The following CYP2E1 variants were observed in gnomAD, a reference collection of about 807,000 sequenced individuals.
CYP2E1 encodes cytochrome P450 family 2 subfamily E member 1, also known as cytochrome P450 2E1.
In CYP2E1, 31 loss-of-function variants were observed where a neutral mutation model predicts 42.9. That is an observed-to-expected ratio of 0.72 (90% CI 0.54 to 0.98). The LOEUF is 0.98. Among genes scored for constraint, CYP2E1 ranks in the 50% least tolerant of loss-of-function variants. The pLI, the probability that CYP2E1 is intolerant of heterozygous loss-of-function variation, is 0.00. For synonymous variants in CYP2E1, 244 were observed against 248.9 expected (o/e 0.98, Z 0.19); for missense variants, 565 against 633.2 (o/e 0.89, Z 1.16).
Position 133,532,142 on chromosome 10 carries a change from C to G in CYP2E1, c.506C>G (p.Thr169Ser), listed in dbSNP as rs755208649. 1 of 1,613,822 alleles carries G rather than the reference C, an allele frequency of 6.2e-7. No individual in the cohort carries two copies. The highest frequency in any genetic ancestry group is 8.5e-7 in the Non-Finnish European group (1 of 1,179,912). The change falls in exon 4 of 9, where the codon ACC becomes AGC. Residue 169 changes from threonine to serine, a missense_variant. By Grantham distance (58) the Thr-to-Ser change is moderately conservative (BLOSUM62 1). Transcript: ENST00000252945. ...TTTGTAGGCCAGCCTTTCGACCCCACCTTCCTCATCGGCTGCGCGCCCTGC... is the reference window on the plus strand; with the variant it reads ...TTTGTAGGCCAGCCTTTCGACCCCAGCTTCCTCATCGGCTGCGCGCCCTGC... The part of the protein sequence containing the change: ...RKTQGQPFDP[T>S]FLIGCAPCNV...
intron 2 of CYP2E1, among the ~76,000 whole-genome samples, chr10:133,530,772 C>T (rs1374294984): frequency 6.6e-6 from 1 of 152,072 alleles, no homozygotes; most frequent in Non-Finnish European, 1.5e-5. Context: ...GCTAGGGGCC[C>T]CTGCGGTGTA....
At position 133,538,940 on chromosome 10, in the gene CYP2E1, A is replaced by G; in HGVS notation, c.1458A>G (p.Lys486=). Residue 486 remains lysine, a synonymous_variant, in exon 9 of 9, where the codon AAA becomes AAG. Transcript: ENST00000252945. ...TTGGCTGTATCCCACCACGTTACAA[A>G]CTCTGTGTCATTCCCCGCTCATGAG... ...IGFGCIPPRY[K]LCVIPRS is the part of the protein sequence containing the mutation. The G allele has an allele frequency of 6.2e-7, 1 of 1,612,592 alleles. No homozygotes were observed. The highest frequency in any genetic ancestry group is 8.5e-7 in the Non-Finnish European group (1 of 1,179,380).
rs137875795 is a variant in CYP2E1, at chr10:133,527,509, G to A, written c.114G>A (p.Pro38=). 208 of 1,613,530 alleles carry A rather than the reference G, an allele frequency of 1.3e-4. 1 individual carries two copies. The African/African-American group carries it at 2.1e-3, about 17-fold the overall frequency. Residue 38 remains proline, a synonymous_variant, in exon 1 of 9, where the codon CCG becomes CCA. Coordinates refer to ENST00000252945, the MANE Select transcript of CYP2E1 (RefSeq NM_000773.4). ...GGAATCTGCCCCCAGGCCCTTTCCC[G>A]CTTCCCATCATCGGGAACCTCTTCC... is the stretch of plus-strand genomic sequence containing the variant. ...SSWNLPPGPF[P]LPIIGNLFQL...
At chr10:133,533,725 C>G (rs1333428629) in intron 5 of CYP2E1, 31 bp from the exon 6 acceptor site, 3 of 1,610,704 alleles carry the variant, frequency 1.9e-6, no homozygotes, top group South Asian at 2.2e-5. Flanking sequence ...CAAGCAGCCC[C>G]TTCTCCTCCG....
At chr10:133,528,380 C>T in intron 1 of CYP2E1, 101 bp from the exon 2 acceptor site, 1 of 1,403,642 alleles carries the variant, frequency 7.1e-7, no homozygotes, top group Non-Finnish European at 9.8e-7. Flanking sequence ...CCTCTGGGTT[C>T]TCTAGAGCAA....
At chr10:133,535,699 T>C (rs1851386561) in intron 6 of CYP2E1, among the ~76,000 whole-genome samples, 1 of 152,132 alleles carries the variant, frequency 6.6e-6, no homozygotes, top group African/African-American at 2.4e-5. Context: ...AAATTGAACG[T>C]TTATTAACAT....
intron 3 of CYP2E1, 193 bp from the exon 4 acceptor site, chr10:133,531,931 A>G: frequency 1.3e-6 from 1 of 741,214 alleles, no homozygotes; most frequent in Non-Finnish European, 2.2e-6. Flanking sequence ...GCCATTAAAC[A>G]CGTGACTTGT....
chr10:133,530,682 A>G (rs1324664681), intron 2 of CYP2E1, among the ~76,000 whole-genome samples: 1 of 152,104 alleles, frequency 6.6e-6, no homozygotes, highest in Non-Finnish European at 1.5e-5. Context: ...AGGATGTCTT[A>G]TATGCAGGAA....
Position 133,537,050 on chromosome 10 carries a change from C to T in CYP2E1, c.968-13C>T. The T allele has an allele frequency of 6.2e-7, 1 of 1,610,266 alleles. No homozygotes were observed. The highest frequency in any genetic ancestry group is 8.5e-7 in the Non-Finnish European group (1 of 1,177,698). On this transcript the variant is annotated splice_polypyrimidine_tract_variant and intron_variant, in intron 6 of 8. Coordinates refer to ENST00000252945, the MANE Select transcript of CYP2E1 (RefSeq NM_000773.4). ...ACCAATCCCTGAAATTTGTCCCATTCATATCTTGGCAGAGAAGCTCCATGA... is the reference window on the plus strand; with the variant it reads ...ACCAATCCCTGAAATTTGTCCCATTTATATCTTGGCAGAGAAGCTCCATGA...
intron 8 of CYP2E1, 73 bp from the exon 9 acceptor site, chr10:133,538,707 C>G (rs1851437192): frequency 7.3e-7 from 1 of 1,370,674 alleles, no homozygotes; most frequent in African/African-American, 1.4e-5. Flanking sequence ...CCCGCTTCCC[C>G]TAGTCTCACT....
At position 133,527,501 on chromosome 10, in the gene CYP2E1, C is replaced by T. The variant is rs747825060; in HGVS notation, c.106C>T (p.Pro36Ser). 6.2e-7 allele frequency: 1 copy of T among 1,613,514 alleles called. No individual in the cohort carries two copies. Among genetic ancestry groups the T allele is most frequent in the African/African-American group, 1.3e-5 (1 of 74,894 alleles). ...CAGCAGCTGGAATCTGCCCCCAGGC[C>T]CTTTCCCGCTTCCCATCATCGGGAA... ...VHSSWNLPPG[P>S]FPLPIIGNLF... The change falls in exon 1 of 9, where the codon CCT becomes TCT. Residue 36 changes from proline (P) to serine (S), a missense_variant. Pro to Ser is a moderately conservative substitution (Grantham distance 74). Coordinates refer to ENST00000252945, the MANE Select transcript of CYP2E1 (RefSeq NM_000773.4).
intron 2 of CYP2E1, 121 bp from the exon 3 acceptor site, chr10:133,531,464 G>GC: frequency 8.5e-7 from 1 of 1,171,794 alleles, no homozygotes; most frequent in Non-Finnish European, 1.3e-6. Flanking sequence ...CTGTCCCTCT[G>GC]CCCCCTCTGT....
intron 6 of CYP2E1, among the ~76,000 whole-genome samples, chr10:133,534,397 C>T (rs572784887): frequency 1.4e-4 from 22 of 152,120 alleles, no homozygotes; most frequent in East Asian, 5.8e-4. Flanking sequence ...CTCCTCCCAG[C>T]GGCACCTGGG....
chr10:133,534,036 C>A, intron 6 of CYP2E1, 139 bp downstream of exon 6: 1 of 908,382 alleles, frequency 1.1e-6, no homozygotes, highest in Non-Finnish European at 1.7e-6. Context: ...GCTAGATGCA[C>A]TGCTGTGAGG....
intron 2 of CYP2E1, among the ~76,000 whole-genome samples, chr10:133,530,154 T>C (rs1214134836): frequency 6.6e-6 from 1 of 152,120 alleles, no homozygotes; most frequent in Non-Finnish European, 1.5e-5. Flanking sequence ...TGGCGGAAAA[T>C]TAGCAGAGCC....
rs1205299590 is a variant in CYP2E1, at chr10:133,537,175, C to T, written c.1080C>T (p.Phe360=). ...CTGTGGTGCATGAGATTCAGCGGTT[C>T]ATCACCCTCGTGCCCTCCAACCTGC... ...MDAVVHEIQR[F]ITLVPSNLPH... is the part of the protein sequence containing the mutation. The change falls in exon 7 of 9, where the codon TTC becomes TTT. Residue 360 remains phenylalanine (F), a synonymous_variant. Coordinates refer to ENST00000252945, the MANE Select transcript of CYP2E1 (RefSeq NM_000773.4). The T allele has an allele frequency of 1.9e-6, 3 of 1,613,986 alleles. No individual in the cohort carries two copies. Among genetic ancestry groups the T allele is most frequent in the African/African-American group, 1.3e-5 (1 of 74,898 alleles).
intron 2 of CYP2E1, among the ~76,000 whole-genome samples, chr10:133,530,098 T>TG (rs1433705355): frequency 6.6e-6 from 1 of 152,096 alleles, no homozygotes; most frequent in East Asian, 1.9e-4. Flanking sequence ...TGCCTCTGCC[T>TG]GGAGGGTCTA....
chr10:133,535,913 A>G (rs753059255), intron 6 of CYP2E1, among the ~76,000 whole-genome samples: 1 of 152,198 alleles, frequency 6.6e-6, no homozygotes, highest in East Asian at 1.9e-4. Flanking sequence ...GGTACTGTAC[A>G]TAACATTTTG....
chr10:133,532,921 C>CAATTTCAGATTT (rs1851356492), intron 5 of CYP2E1, 53 bp downstream of exon 5: 6 of 1,503,036 alleles, frequency 4.0e-6, no homozygotes, highest in Non-Finnish European at 4.5e-6. Flanking sequence ...AGAGAATGCA[C>CAATTTCAGATTT]AATTTCAGAT....
Sources: gnomAD v4.1 joint callset for allele counts (sites outside exome capture counted in the v4.1 genomes callset) on GRCh38, gnomAD v4.1.1 for gene constraint, MANE v1.5 for transcripts, NCBI Gene and HGNC (gene_info 2026-07-23, HGNC 2026-07-21) for gene names.